PDGFB: variants seen among roughly 807,000 people sequenced by gnomAD.
PDGFB encodes the protein platelet derived growth factor subunit B.
Under a neutral mutation model 29.0 loss-of-function variants are expected in PDGFB, and 6 were observed. The ratio of observed to expected loss-of-function variants is 0.21; its 90% CI spans 0.11 to 0.41. PDGFB has a LOEUF of 0.41. PDGFB is among the 10% of genes least tolerant of loss of function. The pLI is 1.00. For synonymous variants in PDGFB, 144 were observed against 140.8 expected (o/e 1.02, Z -0.16); for missense variants, 299 against 341.8 (o/e 0.87, Z 0.99).
chr22:39,226,098 G>C (rs985276889), intron 5 of PDGFB, among the ~76,000 whole-genome samples: 2 of 152,220 alleles, frequency 1.3e-5, no homozygotes, highest in Non-Finnish European at 2.9e-5. Flanking sequence ...CCACCTCATA[G>C]AACTGGTGGG....
At chr22:39,241,260 G>C (rs1050777595) in intron 1 of PDGFB, 4 of 420,022 alleles carry the variant, frequency 9.5e-6, no homozygotes, top group Non-Finnish European at 1.8e-5. Context: ...CCTGCCGTCT[G>C]CTGAAAGATT....
chr22:39,240,992 G>T, intron 1 of PDGFB: 1 of 1,149,742 alleles, frequency 8.7e-7, no homozygotes, highest in Non-Finnish European at 1.3e-6. Flanking sequence ...TCCAAATTCT[G>T]TTTGACCTGC....
intron 3 of PDGFB, among the ~76,000 whole-genome samples, chr22:39,232,596 TCTC>T (rs1487009423): frequency 6.6e-6 from 1 of 152,104 alleles, no homozygotes. Flanking sequence ...TTCAAGCAAT[TCTC>T]CTGCCTCAGC....
chr22:39,230,490 G>A (rs541358871), intron 4 of PDGFB, among the ~76,000 whole-genome samples: 8 of 152,380 alleles, frequency 5.3e-5, no homozygotes, highest in South Asian at 2.1e-4. Flanking sequence ...AGCCAGAAAG[G>A]CATTTCCGGG....
chr22:39,235,922 T>C (rs1932432805), intron 1 of PDGFB, 48 bp from the exon 2 acceptor site: 1 of 1,279,046 alleles, frequency 7.8e-7, no homozygotes, highest in African/African-American at 1.5e-5. Flanking sequence ...GTGGGGGCTT[T>C]CCAGCATGGC....
At chr22:39,235,704 C>T in intron 2 of PDGFB, 74 bp downstream of exon 2, 1 of 1,064,234 alleles carries the variant, frequency 9.4e-7, no homozygotes, top group Non-Finnish European at 1.4e-6. Context: ...GGAGGGATGC[C>T]TCCTGTCCTG....
At position 39,235,879 on chromosome 22, in the gene PDGFB, C is replaced by T. The variant is rs746696824; in HGVS notation, c.64-5G>A. The T allele has an allele frequency of 6.7e-5, 108 of 1,605,680 alleles. No homozygotes were observed. Among genetic ancestry groups the T allele is most frequent in the Admixed American group, 2.8e-4 (17 of 59,936 alleles). On this transcript the variant is annotated splice_polypyrimidine_tract_variant and splice_region_variant and intron_variant, in intron 1 of 6. Transcript: ENST00000331163. ...CTCCTCGGGAATGGGGTCCCCCTGC[C>T]GGGCAGACACCAAAAGGCTGAGTGA...
At position 39,243,274 on chromosome 22, in the gene PDGFB, TTCTCTCTC is replaced by T. The variant is rs767228828; in HGVS notation, c.63+619_63+626del. Among the ~76,000 whole-genome samples the T allele has an allele frequency of 3.3e-5, 2 of 60,806 alleles. No homozygotes were observed. Among genetic ancestry groups the T allele is most frequent in the Non-Finnish European group, 4.4e-5 (1 of 22,886 alleles). The allele number at this position is 60,806 out of a possible 152,430, so 39.9% of individuals were successfully genotyped here. On this transcript the variant is annotated intron_variant, in intron 1 of 6. Coordinates refer to ENST00000331163, the MANE Select transcript of PDGFB (RefSeq NM_002608.4). This position sits in a 1 kb window ranked among gnomAD's most constrained non-coding sequence, Gnocchi z 6.4. Reference sequence around the variant, plus strand: ...TCCGTCTCTCTCTCTCTCTCTCTCTTTCTCTCTCTCTCTCTCTCTCTCCCTGTTACTCC... The same window carrying T: ...TCCGTCTCTCTCTCTCTCTCTCTCTTTCTCTCTCTCTCTCCCTGTTACTCC...
At chr22:39,232,571 C>T (rs1018771429) in intron 3 of PDGFB, among the ~76,000 whole-genome samples, 1 of 152,008 alleles carries the variant, frequency 6.6e-6, no homozygotes, top group Non-Finnish European at 1.5e-5. Flanking sequence ...CTAACTGCAA[C>T]CTCCGCCTCC....
chr22:39,241,722 C>T (rs1362864482), intron 1 of PDGFB, among the ~76,000 whole-genome samples: 1 of 152,216 alleles, frequency 6.6e-6, no homozygotes, highest in African/African-American at 2.4e-5. Flanking sequence ...GAGCCCCCTC[C>T]GCGGTTGCAC....
At position 39,224,523 on chromosome 22, in the gene PDGFB, G is replaced by A. The variant is rs1055714953; in HGVS notation, c.*819C>T. On this transcript the variant is annotated 3_prime_UTR_variant, in exon 7 of 7. Coordinates refer to ENST00000331163, the MANE Select transcript of PDGFB (RefSeq NM_002608.4). The stretch of plus-strand genomic sequence containing the variant: ...GGAGCAGACTGAAGGGCCAGGACAA[G>A]AGGAAAATGCAGGGTGGAGGTAGAG... 2 of 152,856 alleles carry A rather than the reference G, an allele frequency of 1.3e-5. No homozygotes were observed. The highest frequency in any genetic ancestry group is 4.8e-5 in the African/African-American group (2 of 41,418). 9.5% of individuals were successfully genotyped at this position (152,856 alleles called of 1,614,324 possible). A position where few individuals can be genotyped will look rare whatever the true frequency, so the allele number is the denominator to read the frequency against.
chr22:39,243,883 G>A lies in PDGFB; in HGVS notation c.63+18C>T. The A allele has an allele frequency of 6.3e-7, 1 of 1,592,482 alleles. No homozygotes were observed. The highest frequency in any genetic ancestry group is 8.6e-7 in the Non-Finnish European group (1 of 1,168,380). ...GGTAATGAATGAAGAACCAGCCCCA[G>A]CCGCCGTGGCAACTCACCTCGGCGC... On this transcript the variant is annotated intron_variant, in intron 1 of 6. Coordinates refer to ENST00000331163, the MANE Select transcript of PDGFB (RefSeq NM_002608.4). The surrounding 1 kb of genome is among the most constrained non-coding windows in gnomAD (Gnocchi z 6.4).
chr22:39,241,790 G>A (rs558010084), intron 1 of PDGFB, among the ~76,000 whole-genome samples: 22 of 152,110 alleles, frequency 1.4e-4, no homozygotes, highest in Admixed American at 3.3e-4. Flanking sequence ...AGGGGGAATC[G>A]CTCTGGACAG....
At chr22:39,237,319 TAAAGCTAC>T (rs1413851104) in intron 1 of PDGFB, among the ~76,000 whole-genome samples, 16 of 151,458 alleles carry the variant, frequency 1.1e-4, no homozygotes, top group Admixed American at 5.9e-4. Context: ...TGACCACTTT[TAAAGCTAC>T]ATCATTCCCT....
Position 39,231,958 on chromosome 22 carries a change from G to T in PDGFB, c.251-131C>A. Reference sequence around the variant, plus strand: ...TTCAACCCCAGGGTTCAGGTTTCAAGTCCTGGCTGTCATTAGCCATGGGAC... The same window carrying T: ...TTCAACCCCAGGGTTCAGGTTTCAATTCCTGGCTGTCATTAGCCATGGGAC... On this transcript the variant is annotated intron_variant, in intron 3 of 6. Coordinates refer to ENST00000331163, the MANE Select transcript of PDGFB (RefSeq NM_002608.4). This position sits in a 1 kb window ranked among gnomAD's most constrained non-coding sequence, Gnocchi z 4.3. The T allele has an allele frequency of 1.4e-6, 1 of 711,414 alleles. No individual in the cohort carries two copies. Among genetic ancestry groups the T allele is most frequent in the Non-Finnish European group, 2.3e-6 (1 of 433,586 alleles). 44.1% of individuals were successfully genotyped at this position (711,414 alleles called of 1,614,324 possible).
chr22:39,227,685 G>A lies in PDGFB; in HGVS notation c.602-1838C>T, dbSNP rs574524636. On this transcript the variant is annotated intron_variant, in intron 5 of 6. Transcript: ENST00000331163. ...GACAGTGCCTGTGAGCCTCAGTCAA[G>A]GGGAGCTCTTATACACTTCTCTCCG... Among the ~76,000 whole-genome samples, 8 of 152,258 alleles carry A rather than the reference G, an allele frequency of 5.3e-5. No individual in the cohort carries two copies. The South Asian group carries it at 1.5e-3, about 28-fold the overall frequency.
intron 1 of PDGFB, among the ~76,000 whole-genome samples, chr22:39,237,781 C>T (rs184928427): frequency 6.6e-6 from 1 of 152,332 alleles, no homozygotes; most frequent in Non-Finnish European, 1.5e-5. Flanking sequence ...CGTGTGACCT[C>T]GGCTGGTCAC....
At chr22:39,240,894 G>C (rs1601602838) in intron 1 of PDGFB, 4 of 1,480,320 alleles carry the variant, frequency 2.7e-6, no homozygotes, top group South Asian at 1.1e-5. Flanking sequence ...TGCTCAGTCA[G>C]TCTCTCTCTC....
At chr22:39,241,254 C>A (rs955888438) in intron 1 of PDGFB, 2 of 422,472 alleles carry the variant, frequency 4.7e-6, no homozygotes, top group Middle Eastern at 6.6e-4. Context: ...CGGCTGCCTG[C>A]CGTCTGCTGA....
Sources: gnomAD v4.1 joint callset for allele counts (sites outside exome capture counted in the v4.1 genomes callset) on GRCh38, gnomAD v4.1.1 for gene constraint, Gnocchi (gnomAD v3.1) non-coding constraint, MANE v1.5 for transcripts, NCBI Gene and HGNC (gene_info 2026-07-23, HGNC 2026-07-21) for gene names.